SLC44A5: variants seen among roughly 807,000 people sequenced by gnomAD.
SLC44A5 encodes the protein choline transporter-like protein 5.
SLC44A5 carries 57 observed loss-of-function variants against 101.8 expected under a neutral mutation model. That is an observed-to-expected ratio of 0.56 (90% CI 0.45 to 0.70). The LOEUF is 0.70. SLC44A5 is among the 30% of genes least tolerant of loss of function. The pLI, the probability that SLC44A5 is intolerant of heterozygous loss-of-function variation, is 0.00. For synonymous variants in SLC44A5, 281 were observed against 290.9 expected (o/e 0.97, Z 0.35); for missense variants, 737 against 853.1 (o/e 0.86, Z 1.70).
intron 6 of SLC44A5, among the ~76,000 whole-genome samples, chr1:75,251,727 G>C (rs1649596077): frequency 6.6e-6 from 1 of 152,078 alleles, no homozygotes; most frequent in African/African-American, 2.4e-5. Context: ...GGATTATATT[G>C]CTTAGTTTAT....
At chr1:75,235,853 A>G (rs1648030723) in intron 11 of SLC44A5, among the ~76,000 whole-genome samples, 1 of 152,040 alleles carries the variant, frequency 6.6e-6, no homozygotes, top group Admixed American at 6.6e-5. Flanking sequence ...ACTATTGTAA[A>G]AAGTTCATAC....
intron 14 of SLC44A5, among the ~76,000 whole-genome samples, chr1:75,222,042 C>A (rs1164095162): frequency 1.3e-5 from 2 of 151,222 alleles, no homozygotes; most frequent in Non-Finnish European, 2.9e-5. Flanking sequence ...TCACCGCAAC[C>A]TCTGCCTTCC....
At chr1:75,613,315 G>A (rs578158326), upstream of SLC44A5, among the ~76,000 whole-genome samples, 5 of 152,350 alleles carry the variant, frequency 3.3e-5, no homozygotes, top group South Asian at 1.0e-3. Flanking sequence ...CTACCAGGCA[G>A]TCCCAGTTTA....
At chr1:75,547,152 T>C (rs1317108671) in intron 1 of SLC44A5, among the ~76,000 whole-genome samples, 1 of 152,152 alleles carries the variant, frequency 6.6e-6, no homozygotes, top group Non-Finnish European at 1.5e-5. Context: ...ACACTGAAGA[T>C]GAAACCTGTG....
intron 4 of SLC44A5, among the ~76,000 whole-genome samples, chr1:75,311,984 C>T (rs995523653): frequency 1.3e-5 from 2 of 152,128 alleles, no homozygotes; most frequent in African/African-American, 2.4e-5. Flanking sequence ...CCAACCCAAA[C>T]TTCATCTTGA....
At chr1:75,619,097 G>GAAGA in the SLC44A5 span, among the ~76,000 whole-genome samples, 1 of 10,778 alleles carries the variant, frequency 9.3e-5, no homozygotes, top group African/African-American at 4.3e-4. Flanking sequence ...GGGAAGGAAA[G>GAAGA]AAGGAAGGAA....
intron 7 of SLC44A5, among the ~76,000 whole-genome samples, chr1:75,245,643 C>A (rs574607087): frequency 6.6e-6 from 1 of 152,188 alleles, no homozygotes; most frequent in South Asian, 2.1e-4. Flanking sequence ...ATTTATAAAG[C>A]ACACACAAAC....
At chr1:75,620,355 G>T in the SLC44A5 span, among the ~76,000 whole-genome samples, 1 of 152,092 alleles carries the variant, frequency 6.6e-6, no homozygotes, top group African/African-American at 2.4e-5. Flanking sequence ...CCCAGTAATA[G>T]GATTGCTGGG....
chr1:75,254,304 G>T (rs1446165519), intron 6 of SLC44A5, among the ~76,000 whole-genome samples: 1 of 152,138 alleles, frequency 6.6e-6, no homozygotes, highest in Non-Finnish European at 1.5e-5. Context: ...CTCCCAAAGT[G>T]CTGGGATTAC....
At chr1:75,205,583 A>G (rs1646736773) in intron 23 of SLC44A5, 1 of 152,152 alleles carries the variant, frequency 6.6e-6, no homozygotes. Context: ...GCAGAGAGAG[A>G]GTTCCTAACC....
chr1:75,626,691 TA>T, the SLC44A5 span, among the ~76,000 whole-genome samples: 1 of 152,176 alleles, frequency 6.6e-6, no homozygotes, highest in East Asian at 1.9e-4. Context: ...CTCTCTGTTC[TA>T]GCAACGCCAC....
chr1:75,644,300 T>C, the SLC44A5 span, among the ~76,000 whole-genome samples: 1 of 152,106 alleles, frequency 6.6e-6, no homozygotes, highest in Non-Finnish European at 1.5e-5. Context: ...TGTGCATTTA[T>C]GTATATTTAA....
chr1:75,540,270 G>T (rs115505637), intron 2 of SLC44A5, among the ~76,000 whole-genome samples: 1,724 of 152,160 alleles, frequency 0.011, 33 homozygotes, highest in African/African-American at 0.04. Context: ...TTACAGATGC[G>T]CAAACAAATC....
intron 2 of SLC44A5, among the ~76,000 whole-genome samples, chr1:75,441,984 C>T (rs1329435743): frequency 6.6e-6 from 1 of 152,086 alleles, no homozygotes; most frequent in Non-Finnish European, 1.5e-5. Context: ...TGGGTGAACA[C>T]ATATTCTTCT....
At chr1:75,716,278 A>T in the SLC44A5 span, among the ~76,000 whole-genome samples, 1 of 152,126 alleles carries the variant, frequency 6.6e-6, no homozygotes, top group East Asian at 1.9e-4. Context: ...CCAGAGTTAG[A>T]GACCAGCCTG....
At chr1:75,660,845 C>T in the SLC44A5 span, among the ~76,000 whole-genome samples, 3 of 152,120 alleles carry the variant, frequency 2.0e-5, no homozygotes, top group African/African-American at 4.8e-5. Flanking sequence ...ATCTCATGCT[C>T]ATGGATTGGA....
chr1:75,504,323 G>C (rs1479460838), intron 2 of SLC44A5, among the ~76,000 whole-genome samples: 3 of 152,040 alleles, frequency 2.0e-5, no homozygotes, highest in South Asian at 2.1e-4. Flanking sequence ...AATTGGGAAG[G>C]GGCATTAAAG....
intron 5 of SLC44A5, among the ~76,000 whole-genome samples, chr1:75,298,537 C>A (rs889914032): frequency 6.6e-5 from 10 of 152,056 alleles, no homozygotes; most frequent in African/African-American, 2.4e-4. Context: ...TCTGTTTTGT[C>A]TACGGAAGAG....
chr1:75,335,166 G>A (rs551603347), intron 4 of SLC44A5, among the ~76,000 whole-genome samples: 13 of 152,240 alleles, frequency 8.5e-5, no homozygotes, highest in Admixed American at 1.3e-4. Flanking sequence ...CTCACTCTGC[G>A]TTCTCTAAAT....
Sources: gnomAD v4.1 joint callset for allele counts (sites outside exome capture counted in the v4.1 genomes callset) on GRCh38, gnomAD v4.1.1 for gene constraint, MANE v1.5 for transcripts, NCBI Gene and HGNC (gene_info 2026-07-23, HGNC 2026-07-21) for gene names.